Variants in TRPS1 observed in about 807,000 individuals in gnomAD.
TRPS1 encodes the protein transcriptional repressor GATA binding 1, also known as zinc finger transcription factor Trps1.
Under a neutral mutation model 101.2 loss-of-function variants are expected in TRPS1, and 6 were observed. The ratio of observed to expected loss-of-function variants is 0.06; its 90% CI spans 0.03 to 0.12. TRPS1 has a LOEUF of 0.12. Ranked by LOEUF, TRPS1 falls within the 10% of genes least tolerant of loss-of-function variation. The pLI, the probability that TRPS1 is intolerant of heterozygous loss-of-function variation, is 1.00. For synonymous variants in TRPS1, 578 were observed against 589.8 expected, an observed-to-expected ratio of 0.98 and a Z score of 0.29; for missense variants, 1,363 against 1,567.0, an observed-to-expected ratio of 0.87 and a Z score of 2.20.
At chr8:115,425,668 G>GA (rs1439175576) in intron 5 of TRPS1, among the ~76,000 whole-genome samples, 2 of 152,306 alleles carry the variant, frequency 1.3e-5, no homozygotes, top group East Asian at 3.9e-4. Flanking sequence ...TGAAAGAGCA[G>GA]AAAATCACTA....
chr8:115,589,887 C>G (rs985311448), intron 4 of TRPS1, among the ~76,000 whole-genome samples: 1 of 152,094 alleles, frequency 6.6e-6, no homozygotes, highest in Non-Finnish European at 1.5e-5. Context: ...GAAGCAGAGG[C>G]GGGCAGATCA....
intron 5 of TRPS1, among the ~76,000 whole-genome samples, chr8:115,542,235 G>A (rs1816470221): frequency 1.3e-5 from 2 of 152,094 alleles, no homozygotes; most frequent in South Asian, 2.1e-4. Context: ...AAAAATGCCC[G>A]GTCAGGTTCA....
chr8:115,455,154 T>C (rs1813984918), intron 5 of TRPS1, among the ~76,000 whole-genome samples: 1 of 152,224 alleles, frequency 6.6e-6, no homozygotes, highest in African/African-American at 2.4e-5. Flanking sequence ...TAATAGCCTA[T>C]CTTAACAGGC....
At chr8:115,535,313 T>G (rs1008895284) in intron 5 of TRPS1, among the ~76,000 whole-genome samples, 1 of 55,584 alleles carries the variant, frequency 1.8e-5, no homozygotes, top group Non-Finnish European at 3.0e-5. Context: ...ATAGCATATA[T>G]AGCATATATA....
At chr8:115,447,423 A>C (rs1057100222) in intron 5 of TRPS1, among the ~76,000 whole-genome samples, 1 of 152,230 alleles carries the variant, frequency 6.6e-6, no homozygotes, top group East Asian at 1.9e-4. Flanking sequence ...AACAAAAATA[A>C]AAATTATCTC....
chr8:115,460,806 A>C (rs1186112439), intron 5 of TRPS1, among the ~76,000 whole-genome samples: 2 of 152,218 alleles, frequency 1.3e-5, no homozygotes, highest in African/African-American at 2.4e-5. Context: ...CATTCATTCA[A>C]GCAACAGCCA....
At chr8:115,638,351 T>G (rs534534458) in intron 1 of TRPS1, among the ~76,000 whole-genome samples, 1 of 152,268 alleles carries the variant, frequency 6.6e-6, no homozygotes, top group South Asian at 2.1e-4. Context: ...TTGTGTCCAT[T>G]CCAAAACAAT....
chr8:115,535,225 T>TATATATATAGCATATATAGCATATATAGC (rs1816264310), intron 5 of TRPS1, among the ~76,000 whole-genome samples: 10 of 69,718 alleles, frequency 1.4e-4, no homozygotes, highest in Admixed American at 1.5e-4. Flanking sequence ...ATATATAGCA[T>TATATATATAGCATATATAGCATATATAGC]ATATATATAG....
chr8:115,557,641 A>G (rs1017385828), intron 5 of TRPS1, among the ~76,000 whole-genome samples: 1 of 152,136 alleles, frequency 6.6e-6, no homozygotes, highest in East Asian at 1.9e-4. Context: ...CGCCATGATT[A>G]TAAGTTGCCT....
At chr8:115,597,194 G>A (rs999059508) in intron 4 of TRPS1, among the ~76,000 whole-genome samples, 1 of 151,884 alleles carries the variant, frequency 6.6e-6, no homozygotes, top group Non-Finnish European at 1.5e-5. Context: ...TGTAGTCACT[G>A]GGAATATGAA....
chr8:115,632,055 G>A (rs1818658239), intron 1 of TRPS1, among the ~76,000 whole-genome samples: 1 of 151,918 alleles, frequency 6.6e-6, no homozygotes, highest in South Asian at 2.1e-4. Context: ...ATTACACAGA[G>A]GAAAGTTCAT....
chr8:115,630,554 A>G (rs1057270519), intron 1 of TRPS1, among the ~76,000 whole-genome samples: 13 of 152,038 alleles, frequency 8.6e-5, no homozygotes, highest in African/African-American at 3.1e-4. Context: ...GAAAGAAACC[A>G]AAAGTCAGAG....
chr8:115,579,505 G>A (rs537330522), intron 5 of TRPS1, among the ~76,000 whole-genome samples: 1 of 151,848 alleles, frequency 6.6e-6, no homozygotes, highest in Non-Finnish European at 1.5e-5. Flanking sequence ...ATGTTGTCAG[G>A]GATCTTATCA....
intron 1 of TRPS1, among the ~76,000 whole-genome samples, chr8:115,641,257 T>C (rs1818888286): frequency 6.6e-6 from 1 of 152,236 alleles, no homozygotes; most frequent in Admixed American, 6.5e-5. Flanking sequence ...ATCTGTGACA[T>C]GTACTCTTTC....
chr8:115,619,000 T>C, intron 3 of TRPS1, 132 bp downstream of exon 3: 1 of 881,562 alleles, frequency 1.1e-6, no homozygotes, highest in Middle Eastern at 3.0e-4. Flanking sequence ...CTATGGAGTG[T>C]GTCCATCTCT....
chr8:115,495,075 T>C (rs1815115219), intron 5 of TRPS1, among the ~76,000 whole-genome samples: 1 of 152,122 alleles, frequency 6.6e-6, no homozygotes, highest in Non-Finnish European at 1.5e-5. Flanking sequence ...GAAGTAAAGA[T>C]TTCCATCATT....
intron 5 of TRPS1, among the ~76,000 whole-genome samples, chr8:115,533,092 CT>C (rs1816174504): frequency 6.6e-6 from 1 of 152,142 alleles, no homozygotes; most frequent in South Asian, 2.1e-4. Context: ...TGCACTTTAA[CT>C]TCTATAGGAT....
chr8:115,521,907 A>C (rs1383510797), intron 5 of TRPS1, among the ~76,000 whole-genome samples: 3 of 151,962 alleles, frequency 2.0e-5, no homozygotes, highest in Non-Finnish European at 2.9e-5. Flanking sequence ...TTATTTTTTA[A>C]ATAAAATTTG....
intron 5 of TRPS1, among the ~76,000 whole-genome samples, chr8:115,482,198 AT>A (rs766277159): frequency 7.9e-5 from 12 of 152,174 alleles, no homozygotes; most frequent in Non-Finnish European, 1.5e-4. Flanking sequence ...GCAACTAACC[AT>A]TCATTCAATG....
Sources: allele counts gnomAD v4.1 joint callset (sites outside exome capture counted in the v4.1 genomes callset), GRCh38; gene constraint gnomAD v4.1.1; transcripts MANE v1.5; gene names NCBI Gene and HGNC (gene_info 2026-07-23, HGNC 2026-07-21).